The following CLYBL variants were observed in gnomAD, a reference collection of about 807,000 sequenced individuals.
The protein encoded by CLYBL is citramalyl-CoA lyase, also known as citramalyl-CoA lyase, mitochondrial.
In CLYBL, 31 loss-of-function variants were observed where a neutral mutation model predicts 38.9. That is an observed-to-expected ratio of 0.80 (90% CI 0.60 to 1.08). The LOEUF is 1.08. CLYBL is among the 50% of genes least tolerant of loss of function. The pLI, the probability that CLYBL is intolerant of heterozygous loss-of-function variation, is 0.00. For synonymous variants in CLYBL, 171 were observed against 158.6 expected, an observed-to-expected ratio of 1.08 and a Z score of -0.59; for missense variants, 434 against 411.6, an observed-to-expected ratio of 1.05 and a Z score of -0.47.
chr13:99,723,049 A>G lies in CLYBL; in HGVS notation c.63-49775A>G, dbSNP rs114042088. 2.7e-3 allele frequency among the ~76,000 whole-genome samples: 412 copies of G among 152,352 alleles called. 2 individuals are homozygous for G. Among genetic ancestry groups the G allele is most frequent in the African/African-American group, 9.4e-3 (393 of 41,596 alleles). On this transcript the variant is annotated intron_variant, in intron 1 of 8. Coordinates refer to ENST00000339105, the MANE Select transcript of CLYBL (RefSeq NM_206808.5). ...TTAATTCACACTTCTCTGCTAATCA[A>G]TTACAGCGTTTATCCATTAATCAGG...
chr13:99,689,950 G>A (rs2047875264), intron 1 of CLYBL: 1 of 152,230 alleles, frequency 6.6e-6, no homozygotes. Flanking sequence ...TTTTTAGACT[G>A]TGTTATTAAT....
intron 1 of CLYBL, among the ~76,000 whole-genome samples, chr13:99,624,672 A>C (rs1367170159): frequency 6.6e-6 from 1 of 152,196 alleles, no homozygotes; most frequent in East Asian, 1.9e-4. Flanking sequence ...GCTTTACCCC[A>C]GCGCTGAGAT....
chr13:99,870,941 AG>A lies in CLYBL; in HGVS notation c.807del (p.Lys269AsnfsTer3). ...GATGTTATTAATATTCTTGTAGGTA[AG>A]CAGGTGATTCACCCTAACCAAATTG... ...REGAAMGFTG[K>X]QVIHPNQIAV... On this transcript the variant is annotated frameshift_variant, in exon 7 of 9. Transcript: ENST00000339105. LOFTEE classifies it high-confidence loss of function. 1 of 1,602,048 alleles carries A rather than the reference AG, an allele frequency of 6.2e-7. No individual in the cohort carries two copies. Among genetic ancestry groups the A allele is most frequent in the East Asian group, 2.2e-5 (1 of 44,764 alleles).
chr13:99,884,843 G>A (rs2052306408), intron 7 of CLYBL: 3 of 400,638 alleles, frequency 7.5e-6, no homozygotes, highest in African/African-American at 6.2e-5. Context: ...CATTCCAGGT[G>A]ACTTAAAGAT....
At position 99,691,123 on chromosome 13, in the gene CLYBL, G is replaced by A. The variant is rs1388440751; in HGVS notation, c.63-81701G>A. Among the ~76,000 whole-genome samples, 3 of 152,134 alleles carry A rather than the reference G, an allele frequency of 2.0e-5. No individual in the cohort carries two copies. In the East Asian group the frequency reaches 5.8e-4, roughly 29 times the overall value. Reference sequence around the variant, plus strand: ...CCACTCAAGAATTTCCCACATGGTAGCCTCATCCATAGATGCCCTTCCCTA... The same window carrying A: ...CCACTCAAGAATTTCCCACATGGTAACCTCATCCATAGATGCCCTTCCCTA... On this transcript the variant is annotated intron_variant, in intron 1 of 8. Coordinates refer to ENST00000339105, the MANE Select transcript of CLYBL (RefSeq NM_206808.5).
intron 1 of CLYBL, among the ~76,000 whole-genome samples, chr13:99,635,297 T>C (rs4418926): frequency 0.49 from 74,903 of 151,876 alleles, 19,125 homozygotes; most frequent in East Asian, 0.79. Flanking sequence ...TTTTATAATC[T>C]GCACCACGCC....
chr13:99,903,922 G>C (rs2052667578), intron 8 of CLYBL, among the ~76,000 whole-genome samples: 3 of 152,052 alleles, frequency 2.0e-5, no homozygotes. Flanking sequence ...GCACACATCT[G>C]TGGTCCCAGC....
intron 1 of CLYBL, among the ~76,000 whole-genome samples, chr13:99,668,337 A>G (rs2047514128): frequency 1.3e-5 from 2 of 151,978 alleles, no homozygotes; most frequent in South Asian, 4.1e-4. Context: ...CTGTAATCCC[A>G]GCACTGGGAG....
At chr13:99,822,124 A>G (rs2139036733) in intron 2 of CLYBL, among the ~76,000 whole-genome samples, 1 of 152,348 alleles carries the variant, frequency 6.6e-6, no homozygotes, top group African/African-American at 2.4e-5. Flanking sequence ...CTGTACCCAC[A>G]TAAGTGACCC....
intron 2 of CLYBL, among the ~76,000 whole-genome samples, chr13:99,842,930 A>T (rs987503301): frequency 4.7e-5 from 7 of 150,324 alleles, no homozygotes; most frequent in Non-Finnish European, 1.0e-4. Flanking sequence ...TGCGGGGGGA[A>T]AAAAAGGCAT....
At chr13:99,738,651 CCT>C (rs1226773240) in intron 1 of CLYBL, among the ~76,000 whole-genome samples, 1 of 152,132 alleles carries the variant, frequency 6.6e-6, no homozygotes, top group Non-Finnish European at 1.5e-5. Flanking sequence ...GACTTGCCAG[CCT>C]CTGATTGTAC....
At chr13:99,880,150 C>T (rs1594242495) in intron 7 of CLYBL, among the ~76,000 whole-genome samples, 1 of 149,034 alleles carries the variant, frequency 6.7e-6, no homozygotes, top group East Asian at 2.0e-4. Flanking sequence ...TCACTGCAAC[C>T]TCTGCCTCCT....
At chr13:99,623,819 C>T (rs1353774245) in intron 1 of CLYBL, among the ~76,000 whole-genome samples, 1 of 151,920 alleles carries the variant, frequency 6.6e-6, no homozygotes, top group Non-Finnish European at 1.5e-5. Flanking sequence ...ATTAGCCGGG[C>T]ATGGTGGTGC....
At chr13:99,624,541 A>G (rs2046842545) in intron 1 of CLYBL, among the ~76,000 whole-genome samples, 1 of 152,172 alleles carries the variant, frequency 6.6e-6, no homozygotes, top group Non-Finnish European at 1.5e-5. Flanking sequence ...ATTCCTCAGT[A>G]TTCTCTCTTT....
At chr13:99,683,592 A>G (rs1040189175) in intron 1 of CLYBL, among the ~76,000 whole-genome samples, 1 of 152,020 alleles carries the variant, frequency 6.6e-6, no homozygotes, top group South Asian at 2.1e-4. Context: ...AGGATCATCA[A>G]TATTACTGTC....
chr13:99,652,350 T>C (rs1459020826), intron 1 of CLYBL, among the ~76,000 whole-genome samples: 1 of 152,188 alleles, frequency 6.6e-6, no homozygotes, highest in Admixed American at 6.5e-5. Flanking sequence ...AGTGCTCCAG[T>C]GCCCCAACTG....
chr13:99,906,184 T>C lies in CLYBL; in HGVS notation c.*160+779T>C, dbSNP rs567856306. 6.6e-5 allele frequency among the ~76,000 whole-genome samples: 10 copies of C among 152,328 alleles called. No individual in the cohort carries two copies. In the South Asian group the frequency reaches 1.9e-3, roughly 28 times the overall value. On this transcript the variant is annotated intron_variant and NMD_transcript_variant, in intron 9 of 9. Coordinates refer to the CLYBL transcript ENST00000689673. Reference sequence around the variant, plus strand: ...CCTGTACATTCCAAATGGACTACAATGAGCACCTGTCACTGTGATCATCAA... The same window carrying C: ...CCTGTACATTCCAAATGGACTACAACGAGCACCTGTCACTGTGATCATCAA...
At chr13:99,716,229 T>C (rs2048311798) in intron 1 of CLYBL, among the ~76,000 whole-genome samples, 1 of 137,320 alleles carries the variant, frequency 7.3e-6, no homozygotes, top group Admixed American at 7.6e-5. Flanking sequence ...CTCGCTATGT[T>C]GCTCAGGCTG....
intron 7 of CLYBL, among the ~76,000 whole-genome samples, chr13:99,878,037 A>G (rs2052096353): frequency 6.6e-6 from 1 of 152,196 alleles, no homozygotes; most frequent in Non-Finnish European, 1.5e-5. Context: ...CTACCGTAGC[A>G]CGCACCTCCC....
Sources: gnomAD v4.1 joint callset for allele counts (sites outside exome capture counted in the v4.1 genomes callset) on GRCh38, gnomAD v4.1.1 for gene constraint, MANE v1.5 for transcripts, NCBI Gene and HGNC (gene_info 2026-07-23, HGNC 2026-07-21) for gene names.